FRMPD4: variants seen among roughly 807,000 people sequenced by gnomAD.
FRMPD4 encodes FERM and PDZ domain-containing protein 4.
Under a neutral mutation model 94.1 loss-of-function variants are expected in FRMPD4, and 22 were observed. That is an observed-to-expected ratio of 0.23 (90% CI 0.17 to 0.33). FRMPD4 has a LOEUF of 0.33. Ranked by LOEUF, FRMPD4 falls within the 10% of genes least tolerant of loss-of-function variation. The pLI is 1.00. For synonymous variants in FRMPD4, 631 were observed against 548.6 expected (o/e 1.15, Z -2.10); for missense variants, 1,111 against 1,339.9 (o/e 0.83, Z 2.67).
At chrX:12,080,115 T>C (rs757173153) in intron 3 of FRMPD4, among the ~76,000 whole-genome samples, 21 of 112,415 alleles carry the variant, frequency 1.9e-4, no homozygotes, top group African/African-American at 6.8e-4. Context: ...GAGAGGATGA[T>C]AGCATTATTT....
At position 12,699,616 on chromosome X, in the gene FRMPD4, T is replaced by C. The variant is rs147168597; in HGVS notation, c.934-2258T>C. Among the ~76,000 whole-genome samples, 808 of 112,325 alleles carry C rather than the reference T, an allele frequency of 7.2e-3. 6 individuals carry two copies. Among genetic ancestry groups the C allele is most frequent in the African/African-American group, 0.025 (769 of 30,869 alleles). On this transcript the variant is annotated intron_variant, in intron 9 of 16. Coordinates refer to ENST00000675598, the MANE Select transcript of FRMPD4 (RefSeq NM_001368397.1). ...AATCAATATAGGAAGCGGTTATAAA[T>C]GTGCTTCTGTTGGAAAGGAGGCAAG...
At chrX:11,991,732 C>T (rs182986975) in intron 3 of FRMPD4, among the ~76,000 whole-genome samples, 1 of 111,716 alleles carries the variant, frequency 9.0e-6, no homozygotes, top group East Asian at 2.8e-4. Context: ...CTTTTAGTTA[C>T]CTAAAAACAT....
At chrX:12,121,303 T>G (rs1451868594) in intron 3 of FRMPD4, among the ~76,000 whole-genome samples, 1 of 110,857 alleles carries the variant, frequency 9.0e-6, no homozygotes, top group African/African-American at 3.3e-5. Flanking sequence ...ACAGTGCCAC[T>G]TTTCTCACAA....
chrX:12,244,494 C>T (rs191419095), intron 1 of FRMPD4, among the ~76,000 whole-genome samples: 28 of 112,161 alleles, frequency 2.5e-4, no homozygotes, highest in Admixed American at 1.9e-3. Flanking sequence ...AGTTGACTGG[C>T]GCCCTAGTTC....
At chrX:11,873,800 AAAG>A (rs2053767930) in intron 2 of FRMPD4, among the ~76,000 whole-genome samples, 1 of 111,505 alleles carries the variant, frequency 9.0e-6, no homozygotes, top group African/African-American at 3.3e-5. Context: ...CAATTTTGAA[AAAG>A]AAGAACAAAA....
chrX:11,854,932 C>G (rs772136574), intron 1 of FRMPD4, among the ~76,000 whole-genome samples: 1 of 112,148 alleles, frequency 8.9e-6, no homozygotes, highest in South Asian at 3.7e-4. Context: ...GGGGCTCTGA[C>G]CCCACACTTC....
chrX:12,035,068 G>T (rs2054713289), intron 3 of FRMPD4, among the ~76,000 whole-genome samples: 1 of 112,027 alleles, frequency 8.9e-6, no homozygotes, highest in South Asian at 3.8e-4. Flanking sequence ...TTTCAGTGTT[G>T]CTTCATTTGC....
intron 3 of FRMPD4, among the ~76,000 whole-genome samples, chrX:11,966,962 G>T (rs12387103): frequency 9.0e-6 from 1 of 111,731 alleles, no homozygotes; most frequent in South Asian, 3.8e-4. Flanking sequence ...GCTAATTTTA[G>T]CACCCACCCC....
At chrX:12,113,042 G>T (rs1419476992) in intron 3 of FRMPD4, among the ~76,000 whole-genome samples, 1 of 111,716 alleles carries the variant, frequency 9.0e-6, no homozygotes, top group Admixed American at 9.5e-5. Context: ...TTCTTCTGGG[G>T]TTATTATTAT....
intron 13 of FRMPD4, among the ~76,000 whole-genome samples, chrX:12,708,340 T>G (rs911925268): frequency 1.6e-4 from 18 of 109,254 alleles, no homozygotes; most frequent in Admixed American, 8.8e-4. Context: ...CGTGGTGGCG[T>G]GCACCTGTAA....
intron 1 of FRMPD4, among the ~76,000 whole-genome samples, chrX:12,150,442 ATTTCT>A (rs1296936636): frequency 9.0e-6 from 1 of 111,507 alleles, no homozygotes; most frequent in African/African-American, 3.3e-5. Context: ...TCATTCTCGT[ATTTCT>A]TTTCTTTCCT....
chrX:12,385,416 GGCA>G (rs746842588), intron 1 of FRMPD4, among the ~76,000 whole-genome samples: 1 of 112,169 alleles, frequency 8.9e-6, no homozygotes, highest in Non-Finnish European at 1.9e-5. Flanking sequence ...GTGTAGAGAG[GGCA>G]AGTCCCCTTC....
intron 3 of FRMPD4, among the ~76,000 whole-genome samples, chrX:11,993,442 C>T (rs1037606971): frequency 1.2e-4 from 13 of 111,938 alleles, no homozygotes; most frequent in Non-Finnish European, 2.1e-4. Flanking sequence ...TGTCTGTTAT[C>T]CCCCTGCCAG....
intron 2 of FRMPD4, among the ~76,000 whole-genome samples, chrX:12,604,686 A>T (rs947765652): frequency 1.2e-4 from 13 of 112,313 alleles, no homozygotes; most frequent in Non-Finnish European, 2.3e-4. Context: ...TTTTAAGTTC[A>T]AGGGTACATG....
chrX:12,366,656 G>A (rs1407200441), intron 1 of FRMPD4, among the ~76,000 whole-genome samples: 1 of 112,449 alleles, frequency 8.9e-6, no homozygotes, highest in African/African-American at 3.2e-5. Context: ...GCCAGCTCAG[G>A]AAATCTGATA....
intron 3 of FRMPD4, among the ~76,000 whole-genome samples, chrX:12,064,409 T>C (rs772896904): frequency 8.9e-6 from 1 of 111,943 alleles, no homozygotes; most frequent in East Asian, 2.8e-4. Context: ...TGAATTGTTA[T>C]AGAACTAGAG....
intron 1 of FRMPD4, among the ~76,000 whole-genome samples, chrX:12,311,887 CTT>C (rs1446410005): frequency 3.6e-5 from 4 of 111,214 alleles, no homozygotes; most frequent in Non-Finnish European, 7.6e-5. Flanking sequence ...CATTTATACT[CTT>C]TGTTCTTTGG....
intron 2 of FRMPD4, among the ~76,000 whole-genome samples, chrX:11,869,797 T>C (rs765229901): frequency 3.2e-4 from 36 of 111,675 alleles, no homozygotes; most frequent in African/African-American, 1.2e-3. Context: ...ATATCTTGAT[T>C]GATTTTCTTG....
intron 3 of FRMPD4, among the ~76,000 whole-genome samples, chrX:12,064,558 A>T (rs1455454983): frequency 8.9e-6 from 1 of 111,927 alleles, no homozygotes. Context: ...AGGTGAATGA[A>T]GGCATGTTTT....
Sources: gnomAD v4.1 joint callset for allele counts (sites outside exome capture counted in the v4.1 genomes callset) on GRCh38, gnomAD v4.1.1 for gene constraint, MANE v1.5 for transcripts, NCBI Gene and HGNC (gene_info 2026-07-23, HGNC 2026-07-21) for gene names.